Variants in TMEM181 observed in about 807,000 individuals in gnomAD.
The protein encoded by TMEM181 is G protein-coupled receptor 178.
Under a neutral mutation model 71.9 loss-of-function variants are expected in TMEM181, and 39 were observed. That is an observed-to-expected ratio of 0.54 (90% CI 0.42 to 0.71). The LOEUF (loss-of-function observed/expected upper bound fraction) is 0.71. Ranked by LOEUF, TMEM181 falls within the 30% of genes least tolerant of loss-of-function variation. TMEM181 has a pLI of 0.00. For missense variants in TMEM181, 595 were observed against 583.0 expected (o/e 1.02, Z -0.21); for synonymous variants, 245 against 228.8 (o/e 1.07, Z -0.64).
chr6:158,580,939 GGACCTAAAGT>G lies in TMEM181; in HGVS notation c.115_124del (p.Pro39SerfsTer10), dbSNP rs762087428. 6.2e-7 allele frequency: 1 copy of G among 1,602,710 alleles called. No homozygotes were observed. Among genetic ancestry groups the G allele is most frequent in the East Asian group, 2.2e-5 (1 of 44,594 alleles). On this transcript the variant is annotated frameshift_variant and splice_region_variant, in exon 3 of 17. Transcript: ENST00000684151. LOFTEE classifies it high-confidence loss of function. ...TTTTGTCCTTTTCTGTTACACTTTA[GGACCTAAAGT>G]GATCCAGACTTCTGCGGCTAATTTT...
Position 158,628,508 on chromosome 6 carries a change from G to A in TMEM181, c.1192+18G>A, listed in dbSNP as rs763479753. ...CCAGAATTATATCCTTTTCACTGGA[G>A]GGCCCTGGCTGCAGGACGCCTGCTT... is the stretch of plus-strand genomic sequence containing the variant. On this transcript the variant is annotated intron_variant, in intron 14 of 16. Transcript: ENST00000684151. 6 of 1,611,906 alleles carry A rather than the reference G, an allele frequency of 3.7e-6. No homozygotes were observed. In the Admixed American group the frequency reaches 1.0e-4, roughly 27 times the overall value.
At chr6:158,601,414 G>GC (rs2128312580) in intron 6 of TMEM181, among the ~76,000 whole-genome samples, 1 of 152,144 alleles carries the variant, frequency 6.6e-6, no homozygotes, top group African/African-American at 2.4e-5. Context: ...GGGCATGGTG[G>GC]CACATGCCTG....
chr6:158,541,911 T>TG (rs1331719573), intron 1 of TMEM181, among the ~76,000 whole-genome samples: 1 of 143,186 alleles, frequency 7.0e-6, no homozygotes, highest in African/African-American at 2.6e-5. Flanking sequence ...TTTTTTTTTT[T>TG]TTTTTTTTTT....
At chr6:158,569,597 C>CTTT (rs57907555) in intron 1 of TMEM181, among the ~76,000 whole-genome samples, 3 of 139,922 alleles carry the variant, frequency 2.1e-5, no homozygotes, top group Admixed American at 1.4e-4. Flanking sequence ...TGCCCTTTCT[C>CTTT]TTTTTTTTTT....
chr6:158,625,513 G>C (rs1047089438), intron 12 of TMEM181, among the ~76,000 whole-genome samples, 190 bp from the exon 13 acceptor site: 1 of 152,176 alleles, frequency 6.6e-6, no homozygotes, highest in Non-Finnish European at 1.5e-5. Context: ...GGTGGCTGTG[G>C]CCTCCCTGGA....
intron 2 of TMEM181, among the ~76,000 whole-genome samples, chr6:158,573,950 G>A (rs899325949): frequency 6.6e-6 from 1 of 152,062 alleles, no homozygotes; most frequent in South Asian, 2.1e-4. Flanking sequence ...AGCATGGGGC[G>A]GGGTGGCTGT....
intron 13 of TMEM181, chr6:158,626,453 G>T (rs146495266): frequency 2.2e-6 from 1 of 456,680 alleles, no homozygotes; most frequent in Non-Finnish European, 4.4e-6. Context: ...GCAAATAAGC[G>T]GATGTTGGCC....
At chr6:158,601,121 T>C (rs1048903927) in intron 6 of TMEM181, among the ~76,000 whole-genome samples, 12 of 152,348 alleles carry the variant, frequency 7.9e-5, no homozygotes, top group African/African-American at 2.9e-4. Context: ...TATAATGTTA[T>C]AAAATTTAAA....
At chr6:158,604,188 C>G (rs1488027461) in intron 6 of TMEM181, among the ~76,000 whole-genome samples, 1 of 152,214 alleles carries the variant, frequency 6.6e-6, no homozygotes, top group Non-Finnish European at 1.5e-5. Flanking sequence ...TCTCCCTGGA[C>G]TCCCAGCCGT....
chr6:158,609,319 C>CT (rs965397972), intron 10 of TMEM181, among the ~76,000 whole-genome samples: 54 of 148,194 alleles, frequency 3.6e-4, no homozygotes, highest in Admixed American at 6.1e-4. Flanking sequence ...CTATGTTTTT[C>CT]TTTTTTTTTT....
rs139050431 is a variant in TMEM181, at chr6:158,578,971, G to A, written c.113-1969G>A. On this transcript the variant is annotated intron_variant, in intron 2 of 16. Transcript: ENST00000684151. ...ATATACTCAAGAGATTTGAAAGCAG[G>A]GTCTTGGCCGGGCATGGTGGCTCAT... Among the ~76,000 whole-genome samples, 550 of 152,288 alleles carry A rather than the reference G, an allele frequency of 3.6e-3. 4 individuals are homozygous for A. The highest frequency in any genetic ancestry group is 0.012 in the African/African-American group (491 of 41,562).
At chr6:158,546,373 C>CT (rs1781527345) in intron 1 of TMEM181, among the ~76,000 whole-genome samples, 1 of 152,210 alleles carries the variant, frequency 6.6e-6, no homozygotes, top group Non-Finnish European at 1.5e-5. Context: ...AGATATGGCA[C>CT]TACAGCATTT....
intron 1 of TMEM181, among the ~76,000 whole-genome samples, chr6:158,571,193 T>C (rs1582960468): frequency 1.3e-5 from 2 of 152,266 alleles, no homozygotes; most frequent in South Asian, 4.1e-4. Flanking sequence ...GCCTCCCGGG[T>C]TCGTGCCATT....
chr6:158,573,486 C>T lies in TMEM181; in HGVS notation c.75C>T (p.Phe25=), dbSNP rs140357617. The T allele has an allele frequency of 2.5e-6, 4 of 1,607,760 alleles. No homozygotes were observed. The highest frequency in any genetic ancestry group is 3.4e-6 in the Non-Finnish European group (4 of 1,177,044). ...TTGTCCTCGTGTTTGTCGTCTTCTT[C>T]ATCTGCTTTGGCCTGACCATCTTCG... The part of the protein sequence containing the change: ...RHFVLVFVVF[F]ICFGLTIFVG... Residue 25 remains phenylalanine (F), a synonymous_variant, in exon 2 of 17, where the codon TTC becomes TTT. Coordinates refer to ENST00000684151, the MANE Select transcript of TMEM181 (RefSeq NM_001376852.1).
intron 1 of TMEM181, among the ~76,000 whole-genome samples, chr6:158,570,383 C>T (rs1262814387): frequency 2.0e-5 from 3 of 152,018 alleles, no homozygotes; most frequent in African/African-American, 7.2e-5. Flanking sequence ...CAGGTGCCCG[C>T]CACAAAGCCT....
At chr6:158,572,336 C>T (rs550074399) in intron 1 of TMEM181, 50 of 450,814 alleles carry the variant, frequency 1.1e-4, no homozygotes, top group Non-Finnish European at 1.9e-4. Context: ...CCTGGGTGGA[C>T]GTGCGGCTGC....
At chr6:158,544,182 A>AGAGAGAGTGTGTGT (rs149735409) in intron 1 of TMEM181, among the ~76,000 whole-genome samples, 36 of 127,644 alleles carry the variant, frequency 2.8e-4, no homozygotes, top group African/African-American at 1.1e-3. Flanking sequence ...AATTGGAGAG[A>AGAGAGAGTGTGTGT]GTGTGTGTGT....
intron 1 of TMEM181, among the ~76,000 whole-genome samples, chr6:158,542,442 C>G (rs1305974560): frequency 2.0e-5 from 3 of 152,142 alleles, no homozygotes; most frequent in African/African-American, 7.2e-5. Context: ...CTAGCAAGAC[C>G]AAGTAACTTG....
chr6:158,573,569 G>T, intron 2 of TMEM181, 46 bp downstream of exon 2: 1 of 1,495,760 alleles, frequency 6.7e-7, no homozygotes, highest in Middle Eastern at 1.7e-4. Context: ...ATGCGCGGTG[G>T]CCCTGGCGTA....
Sources: allele counts gnomAD v4.1 joint callset (sites outside exome capture counted in the v4.1 genomes callset), GRCh38; gene constraint gnomAD v4.1.1; transcripts MANE v1.5; gene names NCBI Gene and HGNC (gene_info 2026-07-23, HGNC 2026-07-21).